KLF7: variants seen among roughly 807,000 people sequenced by gnomAD.
The protein encoded by KLF7 is KLF transcription factor 7, also known as Krueppel-like factor 7.
A neutral mutation model predicts 27.3 loss-of-function variants in KLF7; 2 were observed. That is an observed-to-expected ratio of 0.07 (90% CI 0.03 to 0.23). The LOEUF (loss-of-function observed/expected upper bound fraction) is 0.23. Ranked by LOEUF, KLF7 falls within the 10% of genes least tolerant of loss-of-function variation. The probability of loss-of-function intolerance (pLI) is 1.00; values close to 1 mark genes in which losing one functional copy is unlikely to be tolerated. For missense variants in KLF7, 221 were observed against 394.1 expected, an observed-to-expected ratio of 0.56 and a Z score of 3.72; for synonymous variants, 165 against 162.4, an observed-to-expected ratio of 1.02 and a Z score of -0.12.
At chr2:207,081,992 G>GT (rs1368058365) in intron 3 of KLF7, among the ~76,000 whole-genome samples, 1 of 152,000 alleles carries the variant, frequency 6.6e-6, no homozygotes, top group African/African-American at 2.4e-5. Flanking sequence ...CACGCTTTGT[G>GT]TGTGTGTGTG....
chr2:207,123,153 G>C (rs904407827), intron 2 of KLF7, among the ~76,000 whole-genome samples: 10 of 151,542 alleles, frequency 6.6e-5, no homozygotes, highest in Non-Finnish European at 1.5e-4. Flanking sequence ...CACACACATA[G>C]CAATGTAATC....
chr2:207,085,637 C>G (rs999298095), intron 3 of KLF7, among the ~76,000 whole-genome samples: 13 of 152,176 alleles, frequency 8.5e-5, no homozygotes, highest in African/African-American at 3.1e-4. Flanking sequence ...AAAGTATGTG[C>G]CGTGGGTCAA....
chr2:207,134,134 G>A (rs548255973), intron 1 of KLF7: 9 of 1,495,170 alleles, frequency 6.0e-6, no homozygotes, highest in Non-Finnish European at 7.9e-6. Flanking sequence ...CACTTGCACA[G>A]GCTGACTCGG....
At chr2:207,167,000 G>C (rs2269070), upstream of KLF7, 146,716 of 821,982 alleles carry the variant, frequency 0.18, 14,338 homozygotes, top group Admixed American at 0.25. Context: ...AGACCTGGTC[G>C]GGAGTCCGGC....
chr2:207,085,076 C>T (rs1010641453), intron 3 of KLF7, among the ~76,000 whole-genome samples: 4 of 145,838 alleles, frequency 2.7e-5, no homozygotes, highest in Non-Finnish European at 3.0e-5. Context: ...GCAGGAGAAT[C>T]GCCTGAACCC....
At chr2:207,144,032 C>T (rs1232669173) in intron 1 of KLF7, among the ~76,000 whole-genome samples, 1 of 151,704 alleles carries the variant, frequency 6.6e-6, no homozygotes, top group Non-Finnish European at 1.5e-5. Context: ...AGGCTGGCTC[C>T]AGGGGAAAGC....
intron 2 of KLF7, among the ~76,000 whole-genome samples, chr2:207,106,599 A>G (rs2076889571): frequency 6.6e-6 from 1 of 152,166 alleles, no homozygotes; most frequent in Admixed American, 6.5e-5. Context: ...TAGGGTCACA[A>G]CAGCCTTTCT....
intron 2 of KLF7, among the ~76,000 whole-genome samples, chr2:207,102,978 G>T (rs564151149): frequency 3.9e-5 from 6 of 152,246 alleles, no homozygotes; most frequent in Admixed American, 2.6e-4. Context: ...ACCCAGGTTG[G>T]AGTGCAGTGG....
chr2:207,156,422 T>C (rs2078385619), intron 1 of KLF7, among the ~76,000 whole-genome samples: 1 of 152,170 alleles, frequency 6.6e-6, no homozygotes, highest in Non-Finnish European at 1.5e-5. Context: ...CTGTGGTTGG[T>C]CAGTAAGAAA....
intron 1 of KLF7, among the ~76,000 whole-genome samples, chr2:207,159,051 A>T (rs1181459489): frequency 2.0e-5 from 3 of 152,200 alleles, no homozygotes; most frequent in Non-Finnish European, 4.4e-5. Context: ...CCCTTTCAAG[A>T]TTTGAAATTC....
chr2:207,152,299 A>G (rs866912503), intron 1 of KLF7, among the ~76,000 whole-genome samples: 77 of 67,512 alleles, frequency 1.1e-3, no homozygotes, highest in African/African-American at 2.6e-3. Context: ...ACACACACAC[A>G]CACACACACA....
chr2:207,172,624 C>T, the KLF7 span, among the ~76,000 whole-genome samples: 1 of 152,138 alleles, frequency 6.6e-6, no homozygotes, highest in South Asian at 2.1e-4. Context: ...AAAAGAGGGT[C>T]ATTTTGTAAA....
At chr2:207,100,524 T>G (rs777003124) in intron 2 of KLF7, among the ~76,000 whole-genome samples, 1 of 152,122 alleles carries the variant, frequency 6.6e-6, no homozygotes, top group Non-Finnish European at 1.5e-5. Flanking sequence ...GCCATGTCAC[T>G]TATTTTTCTA....
intron 1 of KLF7, among the ~76,000 whole-genome samples, chr2:207,128,689 G>A (rs2077544476): frequency 1.3e-5 from 2 of 152,108 alleles, no homozygotes; most frequent in African/African-American, 4.8e-5. Flanking sequence ...AGCTGACAAG[G>A]ATACAATATT....
intron 2 of KLF7, among the ~76,000 whole-genome samples, chr2:207,102,892 C>G (rs187493423): frequency 6.6e-6 from 1 of 152,022 alleles, no homozygotes; most frequent in East Asian, 1.9e-4. Flanking sequence ...GCTGATGAGA[C>G]GTAAGTGGCA....
rs1309298976 is a variant in KLF7 at position 207,075,447 on chromosome 2, C to T, written c.*5766G>A. On this transcript the variant is annotated 3_prime_UTR_variant, in exon 4 of 4. Transcript: ENST00000309446. The stretch of plus-strand genomic sequence containing the variant: ...GTACTTCTGTGATATATTATAAATA[C>T]CAGAGAAGGCCTGAGAGAATGTGAC... 1.3e-5 allele frequency: 2 copies of T among 151,526 alleles called. No homozygotes were observed. Among genetic ancestry groups the T allele is most frequent in the African/African-American group, 4.9e-5 (2 of 41,216 alleles). 9.4% of individuals were successfully genotyped at this position (151,526 alleles called of 1,614,324 possible).
intron 1 of KLF7, among the ~76,000 whole-genome samples, chr2:207,139,692 T>C (rs2077885996): frequency 1.3e-5 from 2 of 152,204 alleles, no homozygotes; most frequent in Non-Finnish European, 2.9e-5. Flanking sequence ...TAATCTCTCC[T>C]GGTGAGACTG....
upstream of KLF7, among the ~76,000 whole-genome samples, chr2:207,169,115 A>T (rs1011768698): frequency 6.6e-5 from 10 of 152,330 alleles, no homozygotes; most frequent in African/African-American, 2.4e-4. Context: ...GTAAAAGCAG[A>T]TTAGAATACA....
At position 207,165,633 on chromosome 2, in the gene KLF7, T is replaced by C; in HGVS notation, c.-65A>G. On this transcript the variant is annotated 5_prime_UTR_variant, in exon 1 of 4. Transcript: ENST00000309446. ...CCGAACACAGTTGGGGCTGTTTGTT[T>C]GTCAGTCTGTCTGGCTCACCCCCCA... is the stretch of plus-strand genomic sequence containing the variant. 1.2e-6 allele frequency: 2 copies of C among 1,608,088 alleles called. No homozygotes were observed. The highest frequency in any genetic ancestry group is 1.3e-5 in the African/African-American group (1 of 74,896).
Sources: gnomAD v4.1 joint callset for allele counts (sites outside exome capture counted in the v4.1 genomes callset) on GRCh38, gnomAD v4.1.1 for gene constraint, MANE v1.5 for transcripts, NCBI Gene and HGNC (gene_info 2026-07-23, HGNC 2026-07-21) for gene names.